Variants in CDC14A observed in about 807,000 individuals in gnomAD.
CDC14A encodes the protein dual specificity protein phosphatase CDC14A.
In CDC14A, 53 loss-of-function variants were observed where a neutral mutation model predicts 74.4. The ratio of observed to expected loss-of-function variants is 0.71; its 90% CI spans 0.57 to 0.89. The LOEUF (loss-of-function observed/expected upper bound fraction) is 0.89, where lower values mean the gene tolerates loss of function less well. CDC14A is among the 40% of genes least tolerant of loss of function. The pLI, the probability that CDC14A is intolerant of heterozygous loss-of-function variation, is 0.00. For synonymous variants in CDC14A, 247 were observed against 258.4 expected (o/e 0.96, Z 0.43); for missense variants, 646 against 713.7 (o/e 0.91, Z 1.08).
intron 15 of CDC14A, 141 bp from the exon 16 acceptor site, chr1:100,518,110 C>T (rs1650387662): frequency 3.6e-6 from 2 of 550,136 alleles, no homozygotes; most frequent in Admixed American, 5.3e-5. Context: ...CTTTGTGTCT[C>T]CTGTCTTTTT....
intron 2 of CDC14A, among the ~76,000 whole-genome samples, chr1:100,368,995 T>G (rs1654033369): frequency 6.6e-6 from 1 of 152,212 alleles, no homozygotes. Flanking sequence ...TAAGTTTTTT[T>G]GAGAAATCTC....
chr1:100,400,716 C>T (rs17122405), intron 4 of CDC14A, among the ~76,000 whole-genome samples: 10,624 of 152,182 alleles, frequency 0.07, 807 homozygotes, highest in African/African-American at 0.18. Flanking sequence ...CTCTTTGAGA[C>T]TGGACATTCT....
At chr1:100,424,969 A>G (rs1348087560) in intron 5 of CDC14A, among the ~76,000 whole-genome samples, 1 of 152,102 alleles carries the variant, frequency 6.6e-6, no homozygotes, top group African/African-American at 2.4e-5. Flanking sequence ...GGAGTTCGAG[A>G]CCAGCCTGGG....
intron 5 of CDC14A, among the ~76,000 whole-genome samples, 194 bp from the exon 6 acceptor site, chr1:100,439,738 G>C (rs984139226): frequency 6.6e-6 from 1 of 152,146 alleles, no homozygotes; most frequent in African/African-American, 2.4e-5. Flanking sequence ...TCAGCCTCTT[G>C]GATTAAAGCA....
chr1:100,352,619 G>A lies in CDC14A; in HGVS notation c.-336G>A. On this transcript the variant is annotated 5_prime_UTR_variant, in exon 1 of 16. Coordinates refer to ENST00000336454, the MANE Select transcript of CDC14A (RefSeq NM_003672.4). ...TCCATGATCACTTTGGAAGCCGGGG[G>A]AAGACTTTGCCCTGCCCTGAGAGCT... 8.6e-7 allele frequency: 1 copy of A among 1,169,042 alleles called. No individual in the cohort carries two copies. Among genetic ancestry groups the A allele is most frequent in the Admixed American group, 4.9e-5 (1 of 20,594 alleles). 72.4% of individuals were successfully genotyped at this position (1,169,042 alleles called of 1,614,324 possible).
At chr1:100,496,162 A>G in intron 13 of CDC14A, 113 bp downstream of exon 13, 1 of 805,712 alleles carries the variant, frequency 1.2e-6, no homozygotes, top group East Asian at 2.5e-5. Context: ...TTGCTTTTTA[A>G]ATTGCTTCCT....
intron 4 of CDC14A, among the ~76,000 whole-genome samples, chr1:100,420,063 C>CACATACATAT: frequency 1.6e-5 from 1 of 61,566 alleles, no homozygotes; most frequent in Non-Finnish European, 3.8e-5. Flanking sequence ...CACACACACA[C>CACATACATAT]ATATATATAT....
At chr1:100,353,424 CT>C (rs1651411099) in intron 1 of CDC14A, among the ~76,000 whole-genome samples, 3 of 152,352 alleles carry the variant, frequency 2.0e-5, no homozygotes, top group African/African-American at 7.2e-5. Flanking sequence ...AGGCTCACCT[CT>C]TTCTTCCCCT....
intron 1 of CDC14A, 147 bp downstream of exon 1, chr1:100,353,150 C>G: frequency 2.5e-6 from 2 of 811,952 alleles, no homozygotes; most frequent in East Asian, 5.4e-5. Context: ...TCTCCTTTCT[C>G]CGAGGACCCC....
chr1:100,404,675 A>C (rs1016418048), intron 4 of CDC14A, among the ~76,000 whole-genome samples: 8 of 152,014 alleles, frequency 5.3e-5, no homozygotes, highest in Non-Finnish European at 1.2e-4. Context: ...CTAAAAATAC[A>C]AAAAATTAGC....
chr1:100,468,025 A>C lies in CDC14A; in HGVS notation c.908A>C (p.Glu303Ala), dbSNP rs150033069. 6.2e-7 allele frequency: 1 copy of C among 1,613,184 alleles called. No individual in the cohort carries two copies. Among genetic ancestry groups the C allele is most frequent in the African/African-American group, 1.3e-5 (1 of 74,820 alleles). Residue 303 changes from glutamate to alanine, a missense_variant, in exon 10 of 16, where the codon GAA (glutamate) becomes GCA (alanine). Coordinates refer to ENST00000336454, the MANE Select transcript of CDC14A (RefSeq NM_003672.4). ...VMKHYRFTHAEIIAWIRICRP... is the reference protein window; with the variant it reads ...VMKHYRFTHAAIIAWIRICRP... ...AAACACTACAGGTTTACACATGCTG[A>C]AATAATTGCTTGGATTAGAATATGC...
intron 4 of CDC14A, among the ~76,000 whole-genome samples, chr1:100,394,243 G>C (rs1013050890): frequency 3.9e-5 from 6 of 152,024 alleles, no homozygotes; most frequent in Non-Finnish European, 8.8e-5. Flanking sequence ...GCCCTCCCTA[G>C]AAGGTGGGAC....
In CDC14A at chr1:100,498,928, G is replaced by A; in HGVS notation, c.1422-1G>A. The A allele has an allele frequency of 6.2e-7, 1 of 1,607,454 alleles. No homozygotes were observed. The highest frequency in any genetic ancestry group is 8.5e-7 in the Non-Finnish European group (1 of 1,175,954). ...CCTCCTCACTTGTGTTTTCCATTCA[G>A]CTTTTCCATAAACTCCCGGCTAGCC... On this transcript the variant is annotated splice_acceptor_variant, in intron 14 of 15. Transcript: ENST00000336454. LOFTEE classifies it high-confidence loss of function.
chr1:100,382,730 G>A (rs762076817), intron 3 of CDC14A, among the ~76,000 whole-genome samples: 1 of 152,124 alleles, frequency 6.6e-6, no homozygotes, highest in East Asian at 1.9e-4. Context: ...AGGATTAAAG[G>A]AGTATTCACA....
intron 11 of CDC14A, among the ~76,000 whole-genome samples, chr1:100,491,634 C>A (rs186924910): frequency 1.6e-5 from 2 of 121,462 alleles, no homozygotes; most frequent in East Asian, 2.6e-4. Context: ...TGCAGTGGTG[C>A]GATCTAGGCT....
intron 3 of CDC14A, among the ~76,000 whole-genome samples, chr1:100,390,262 A>C (rs928573452): frequency 6.6e-6 from 1 of 152,220 alleles, no homozygotes; most frequent in Non-Finnish European, 1.5e-5. Context: ...CAGAAATAAA[A>C]TACTAATATT....
intron 9 of CDC14A, among the ~76,000 whole-genome samples, chr1:100,465,433 T>C (rs945148717): frequency 2.6e-5 from 4 of 152,230 alleles, no homozygotes; most frequent in African/African-American, 9.6e-5. Flanking sequence ...TTTGGTTTAA[T>C]TACAGCTGTA....
intron 10 of CDC14A, among the ~76,000 whole-genome samples, chr1:100,475,288 T>C (rs1420429561): frequency 6.6e-6 from 1 of 152,216 alleles, no homozygotes; most frequent in East Asian, 1.9e-4. Context: ...AAACTTCCTA[T>C]TTTGTCAGTT....
chr1:100,351,973 AGTGTGTGTGT>A (rs35169146), upstream of CDC14A, among the ~76,000 whole-genome samples: 614 of 146,174 alleles, frequency 4.2e-3, 16 homozygotes, highest in East Asian at 0.056. Context: ...GGTTTTTACG[AGTGTGTGTGT>A]GTGTGTGTGT....
Sources: allele counts gnomAD v4.1 joint callset (sites outside exome capture counted in the v4.1 genomes callset), GRCh38; gene constraint gnomAD v4.1.1; transcripts MANE v1.5; gene names NCBI Gene and HGNC (gene_info 2026-07-23, HGNC 2026-07-21).